TRPM7: variants seen among roughly 807,000 people sequenced by gnomAD.
TRPM7 encodes LTRPC ion channel family member 7.
Under a neutral mutation model 229.7 loss-of-function variants are expected in TRPM7, and 134 were observed. That is an observed-to-expected ratio of 0.58 (90% CI 0.51 to 0.67). The LOEUF is 0.67. TRPM7 is among the 30% of genes least tolerant of loss of function. The pLI is 0.00. For synonymous variants in TRPM7, 699 were observed against 715.2 expected, an observed-to-expected ratio of 0.98 and a Z score of 0.36; for missense variants, 1,901 against 2,210.0, an observed-to-expected ratio of 0.86 and a Z score of 2.80.
At chr15:50,581,226 C>T (rs536924162) in intron 29 of TRPM7, among the ~76,000 whole-genome samples, 13 of 152,082 alleles carry the variant, frequency 8.5e-5, no homozygotes, top group African/African-American at 2.7e-4. Context: ...TGGCCGGGTA[C>T]GGTGGCTCAC....
At chr15:50,603,228 A>G (rs1261446074) in intron 21 of TRPM7, among the ~76,000 whole-genome samples, 1 of 152,192 alleles carries the variant, frequency 6.6e-6, no homozygotes, top group Admixed American at 6.5e-5. Context: ...TATATTTAGA[A>G]AACCTAAAAA....
intron 1 of TRPM7, among the ~76,000 whole-genome samples, chr15:50,676,347 T>C (rs1038388711): frequency 2.6e-5 from 4 of 152,062 alleles, no homozygotes; most frequent in Admixed American, 1.3e-4. Context: ...ATATTAAAAT[T>C]AGAAAATTCT....
At chr15:50,621,167 A>AAAC (rs1159709323) in intron 12 of TRPM7, among the ~76,000 whole-genome samples, 1 of 151,326 alleles carries the variant, frequency 6.6e-6, no homozygotes, top group East Asian at 1.9e-4. Flanking sequence ...CAAAAAAAAA[A>AAAC]AAAAAAAAAA....
chr15:50,668,367 T>C (rs539404365), intron 1 of TRPM7, among the ~76,000 whole-genome samples: 1 of 152,324 alleles, frequency 6.6e-6, no homozygotes, highest in South Asian at 2.1e-4. Flanking sequence ...AGTCAAGGAT[T>C]TGAGCTATTG....
At chr15:50,580,809 GA>G in intron 30 of TRPM7, 64 bp downstream of exon 30, 15 of 1,466,334 alleles carry the variant, frequency 1.0e-5, no homozygotes, top group Admixed American at 2.3e-5. Flanking sequence ...TAAAGAGCAG[GA>G]AAAAAGACAA....
chr15:50,581,499 G>GA lies in TRPM7; in HGVS notation c.4558-592dup, dbSNP rs145643970. 2.9e-3 allele frequency among the ~76,000 whole-genome samples: 416 copies of GA among 145,828 alleles called. 4 individuals carry two copies. Among genetic ancestry groups the GA allele is most frequent in the African/African-American group, 9.8e-3 (385 of 39,290 alleles). On this transcript the variant is annotated intron_variant, in intron 29 of 38. Coordinates refer to ENST00000646667, the MANE Select transcript of TRPM7 (RefSeq NM_017672.6). ...AGGCGACAGAGCGAGACTCCATCTC[G>GA]AAAAAAAAAATAATAAATATATATA...
At chr15:50,589,192 C>T (rs190148272) in intron 27 of TRPM7, among the ~76,000 whole-genome samples, 3 of 152,002 alleles carry the variant, frequency 2.0e-5, no homozygotes, top group Admixed American at 1.3e-4. Context: ...CATGGTGATG[C>T]GCACCTGTAA....
chr15:50,604,612 A>T, intron 21 of TRPM7: 1 of 261,144 alleles, frequency 3.8e-6, no homozygotes, highest in Non-Finnish European at 7.2e-6. Context: ...CAGTGAAGAC[A>T]GGAAAAAGGA....
intron 21 of TRPM7, among the ~76,000 whole-genome samples, chr15:50,600,434 C>T (rs2059748231): frequency 7.3e-6 from 1 of 136,362 alleles, no homozygotes; most frequent in African/African-American, 2.9e-5. Context: ...GAGACTCCAT[C>T]TTAAAAAAAA....
intron 27 of TRPM7, among the ~76,000 whole-genome samples, chr15:50,587,312 T>A (rs2059368913): frequency 1.3e-5 from 2 of 152,012 alleles, no homozygotes; most frequent in African/African-American, 4.8e-5. Flanking sequence ...CTATGTTTTT[T>A]AGGTACTTAA....
intron 5 of TRPM7, 130 bp from the exon 6 acceptor site, chr15:50,639,678 C>T (rs1174629263): frequency 3.0e-6 from 2 of 672,682 alleles, no homozygotes; most frequent in Admixed American, 6.5e-5. Flanking sequence ...GCGATCCTCC[C>T]TTGTGAGCCT....
In TRPM7 at chr15:50,592,054, A is replaced by G. The variant is rs2059513232; in HGVS notation, c.4181T>C (p.Leu1394Pro). The G allele has an allele frequency of 6.2e-7, 1 of 1,613,508 alleles. No individual in the cohort carries two copies. Among genetic ancestry groups the G allele is most frequent in the Non-Finnish European group, 8.5e-7 (1 of 1,179,786 alleles). Residue 1394 changes from leucine (L) to proline (P), a missense_variant, in exon 26 of 39, where the codon CTG becomes CCG. Leu to Pro is a moderately conservative substitution (Grantham distance 98, BLOSUM62 -3). Coordinates refer to ENST00000646667, the MANE Select transcript of TRPM7 (RefSeq NM_017672.6). ...AAAAAATTTGGTTGGTGGGGATGAC[A>G]GATGTGGTATGCTAGTAGATGAACT... is the stretch of plus-strand genomic sequence containing the variant. ...LGSSSTSIPH[L>P]SSPPTKFFVS...
chr15:50,638,800 C>T (rs1295295478), intron 6 of TRPM7, among the ~76,000 whole-genome samples: 4 of 152,118 alleles, frequency 2.6e-5, no homozygotes, highest in Admixed American at 2.6e-4. Flanking sequence ...ATTCTCCCGC[C>T]TCAGCCTCCC....
rs1242388337 is a variant in TRPM7 at position 50,561,208 on chromosome 15, A to G, written c.*470T>C. 1 of 153,474 alleles carries G rather than the reference A, an allele frequency of 6.5e-6. No individual in the cohort carries two copies. The highest frequency in any genetic ancestry group is 6.5e-5 in the Admixed American group (1 of 15,308). The allele number at this position is 153,474 out of a possible 1,614,324, so 9.5% of individuals were successfully genotyped here. A position where few individuals can be genotyped will look rare whatever the true frequency, so the allele number is the denominator to read the frequency against. On this transcript the variant is annotated 3_prime_UTR_variant, in exon 39 of 39. Transcript: ENST00000646667. Reference sequence around the variant, plus strand: ...AAGCATCTAGTTGGGAACCAGTGATATCATCACTGAACACACTAAATACAC... The same window carrying G: ...AAGCATCTAGTTGGGAACCAGTGATGTCATCACTGAACACACTAAATACAC...
chr15:50,665,269 C>T (rs893201154), intron 1 of TRPM7, among the ~76,000 whole-genome samples: 1 of 151,798 alleles, frequency 6.6e-6, no homozygotes, highest in South Asian at 2.1e-4. Flanking sequence ...TGGTGGCACA[C>T]ATCTGTAATC....
intron 10 of TRPM7, among the ~76,000 whole-genome samples, chr15:50,628,777 A>G (rs1194336543): frequency 1.3e-5 from 2 of 152,250 alleles, no homozygotes; most frequent in Non-Finnish European, 2.9e-5. Flanking sequence ...AGAAATGCAG[A>G]AAAATGAGAA....
intron 1 of TRPM7, among the ~76,000 whole-genome samples, chr15:50,673,740 C>T (rs561905650): frequency 1.3e-5 from 2 of 152,056 alleles, no homozygotes; most frequent in Admixed American, 6.6e-5. Flanking sequence ...TATAAACATG[C>T]GTACGCAAGT....
chr15:50,604,232 A>T (rs1261412756), intron 21 of TRPM7: 2 of 151,980 alleles, frequency 1.3e-5, no homozygotes, highest in Admixed American at 1.3e-4. Context: ...TACTGGGCAT[A>T]CTGTATTAGG....
At chr15:50,617,584 A>C (rs895303703) in intron 13 of TRPM7, among the ~76,000 whole-genome samples, 8 of 151,154 alleles carry the variant, frequency 5.3e-5, no homozygotes, top group African/African-American at 1.9e-4. Flanking sequence ...TTACAAAATA[A>C]AGAAAATGAA....
Sources: allele counts gnomAD v4.1 joint callset (sites outside exome capture counted in the v4.1 genomes callset), GRCh38; gene constraint gnomAD v4.1.1; transcripts MANE v1.5; gene names NCBI Gene and HGNC (gene_info 2026-07-23, HGNC 2026-07-21).